ASB10: variants seen among roughly 807,000 people sequenced by gnomAD.
ASB10 encodes ankyrin repeat and SOCS box containing 10, also known as ankyrin repeat and SOCS box protein 10.
ASB10 carries 44 observed loss-of-function variants against 35.4 expected under a neutral mutation model. That is an observed-to-expected ratio of 1.24 (90% CI 0.98 to 1.60). The LOEUF (loss-of-function observed/expected upper bound fraction) is 1.60. Ranked by LOEUF, ASB10 falls within the 40% of genes most tolerant of loss-of-function variation. The pLI is 0.00. For synonymous variants in ASB10, 294 were observed against 280.4 expected, an observed-to-expected ratio of 1.05 and a Z score of -0.49; for missense variants, 647 against 634.3, an observed-to-expected ratio of 1.02 and a Z score of -0.22.
chr7:151,175,921 A>T lies in ASB10; in HGVS notation c.*46T>A, dbSNP rs778997476. 2.8e-6 allele frequency: 2 copies of T among 713,148 alleles called. No homozygotes were observed. Among genetic ancestry groups the T allele is most frequent in the East Asian group, 3.1e-5 (1 of 32,614 alleles). 44.2% of individuals were successfully genotyped at this position (713,148 alleles called of 1,614,324 possible). A position where few individuals can be genotyped will look rare whatever the true frequency, so the allele number is the denominator to read the frequency against. ...GTTAGTGCAGAGGCGCGCCCTCTGC[A>T]GGCTGGGGCATCTGCTTTCAGGCCC... On this transcript the variant is annotated 3_prime_UTR_variant, in exon 6 of 6. Transcript: ENST00000420175.
At chr7:151,176,700 G>A (rs1801396576) in intron 3 of ASB10, 24 bp from the exon 4 acceptor site, 1 of 1,501,958 alleles carries the variant, frequency 6.7e-7, no homozygotes. Context: ...AGGCATGTTG[G>A]GTCCTCAGTC....
At chr7:151,186,729 G>T in intron 1 of ASB10, 70 bp from the exon 2 acceptor site, 1 of 1,545,926 alleles carries the variant, frequency 6.5e-7, no homozygotes, top group Admixed American at 1.9e-5. Context: ...GGGGTGAGGT[G>T]GGCAGAGGCA....
At position 151,181,435 on chromosome 7, in the gene ASB10, A is replaced by G; in HGVS notation, c.608T>C (p.Phe203Ser). 6.2e-7 allele frequency: 1 copy of G among 1,602,172 alleles called. No homozygotes were observed. Among genetic ancestry groups the G allele is most frequent in the Non-Finnish European group, 8.5e-7 (1 of 1,172,336 alleles). ...GGACCGACCATCCACTCTCGCTCCA[A>G]ACCTGAGGAGCAGCTCCGCACACCT... ...TLECAELLLR[F>S]GARVDGRSEE... The change falls in exon 3 of 6, where the codon TTT (phenylalanine) becomes TCT (serine). Residue 203 changes from phenylalanine to serine, a missense_variant. By Grantham distance (155) the Phe-to-Ser change is radical. Transcript: ENST00000420175.
chr7:151,182,336 G>C (rs1801510963), intron 2 of ASB10, among the ~76,000 whole-genome samples: 2 of 152,168 alleles, frequency 1.3e-5, no homozygotes. Flanking sequence ...CCAGCACTTT[G>C]GGAGTCCAAG....
In ASB10 at chr7:151,186,584, A is replaced by G. The variant is rs201535252; in HGVS notation, c.392T>C (p.Val131Ala). Residue 131 changes from valine (V) to alanine (A), a missense_variant, in exon 2 of 6, where the codon GTC becomes GCC. Val to Ala is a moderately conservative substitution (Grantham distance 64). Transcript: ENST00000420175. ...HVAASRGHTE[V>A]LRLLLRRRAR... Reference sequence around the variant, plus strand: ...TCGCCGCCTCAGCAGCAGCCGCAGGACTTCCGTGTGGCCACGGCTGGCTGC... The same window carrying G: ...TCGCCGCCTCAGCAGCAGCCGCAGGGCTTCCGTGTGGCCACGGCTGGCTGC... The G allele has an allele frequency of 3.8e-4, 611 of 1,609,076 alleles. 5 individuals carry two copies. The Admixed American group carries it at 9.7e-3, about 26-fold the overall frequency.
In ASB10 at chr7:151,181,257, G is replaced by A. The variant is rs1801484802; in HGVS notation, c.786C>T (p.Ser262=). Residue 262 remains serine (S), a synonymous_variant, in exon 3 of 6, where the codon TCC becomes TCT. Transcript: ENST00000420175. ...CGGTGGTGGCCTCGGCATCGGTGAT[G>A]GACTGGCAGCGGACGTCACAGGCAG... ...LLAACDVRCQ[S]ITDAEATTAR... is the part of the protein sequence containing the mutation. 1 of 1,613,182 alleles carries A rather than the reference G, an allele frequency of 6.2e-7. No homozygotes were observed. Among genetic ancestry groups the A allele is most frequent in the Non-Finnish European group, 8.5e-7 (1 of 1,180,012 alleles).
chr7:151,175,993 G>C (rs534918152), intron 5 of ASB10, 27 bp from the exon 6 acceptor site: 1 of 1,249,054 alleles, frequency 8.0e-7, no homozygotes, highest in South Asian at 1.5e-5. Context: ...GGATTCAGAG[G>C]CTTCTGGTGG....
At chr7:151,180,515 C>T (rs1480252352) in intron 3 of ASB10, among the ~76,000 whole-genome samples, 2 of 152,140 alleles carry the variant, frequency 1.3e-5, no homozygotes, top group Non-Finnish European at 2.9e-5. Flanking sequence ...CTAGTGGGAG[C>T]TTCCTCAAGT....
chr7:151,186,774 C>T, intron 1 of ASB10, 41 bp downstream of exon 1: 1 of 1,539,742 alleles, frequency 6.5e-7, no homozygotes, highest in African/African-American at 1.4e-5. Context: ...CTGCAGCCTC[C>T]CCTCTCTCCC....
chr7:151,185,263 C>T (rs373954129), intron 2 of ASB10, among the ~76,000 whole-genome samples: 18 of 151,404 alleles, frequency 1.2e-4, no homozygotes, highest in Admixed American at 2.0e-4. Context: ...GGATTACAGG[C>T]GCCTGCCACC....
In ASB10 at chr7:151,176,310, C is replaced by A. The variant is rs1326118946; in HGVS notation, c.1219-13G>T. ...AACGCTGATGTTTCTGGGGGCAGAA[C>A]AAGGGGCTCAGTGAGAGGCAGCCTC... On this transcript the variant is annotated splice_polypyrimidine_tract_variant and intron_variant, in intron 4 of 5. Transcript: ENST00000420175. 2.0e-6 allele frequency: 3 copies of A among 1,532,622 alleles called. No homozygotes were observed. Among genetic ancestry groups the A allele is most frequent in the African/African-American group, 1.4e-5 (1 of 72,418 alleles). 94.9% of individuals were successfully genotyped at this position (1,532,622 alleles called of 1,614,324 possible).
chr7:151,182,001 CAT>C (rs1365626629), intron 2 of ASB10, among the ~76,000 whole-genome samples: 1 of 152,232 alleles, frequency 6.6e-6, no homozygotes, highest in Non-Finnish European at 1.5e-5. Flanking sequence ...GCAGTTATCA[CAT>C]GAGTGGTTAG....
chr7:151,179,977 G>A (rs1221469035), intron 3 of ASB10, among the ~76,000 whole-genome samples: 2 of 152,246 alleles, frequency 1.3e-5, no homozygotes, highest in South Asian at 4.1e-4. Flanking sequence ...ATTTGGTCTT[G>A]CTTAGGAATC....
At chr7:151,183,111 T>C (rs1378312274) in intron 2 of ASB10, among the ~76,000 whole-genome samples, 1 of 152,156 alleles carries the variant, frequency 6.6e-6, no homozygotes, top group African/African-American at 2.4e-5. Context: ...TAATCCTAAC[T>C]GAGATGCGGT....
Position 151,176,818 on chromosome 7 carries a change from A to T in ASB10, c.1105-142T>A, listed in dbSNP as rs1801398918. ...CCCCTGTACCTATGAATGGGACCTT[A>T]TTTGGAAATAGGGTCTTTGCAAATG... is the stretch of plus-strand genomic sequence containing the variant. On this transcript the variant is annotated intron_variant, in intron 3 of 5. Coordinates refer to ENST00000420175, the MANE Select transcript of ASB10 (RefSeq NM_001142459.2). The T allele has an allele frequency of 1.6e-5, 10 of 612,924 alleles. No homozygotes were observed. The South Asian group carries it at 2.0e-4, about 12-fold the overall frequency. 38.0% of individuals were successfully genotyped at this position (612,924 alleles called of 1,614,324 possible).
chr7:151,181,311 G>A lies in ASB10; in HGVS notation c.732C>T (p.Arg244=), dbSNP rs750797970. ...LLRRGACPDA[R]NAEGWTPLLA... Reference sequence around the variant, plus strand: ...GCAGTGGGGTCCAGCCTTCGGCATTGCGGGCATCAGGACATGCCCCCCGTC... The same window carrying A: ...GCAGTGGGGTCCAGCCTTCGGCATTACGGGCATCAGGACATGCCCCCCGTC... The change falls in exon 3 of 6, where the codon CGC becomes CGT. Residue 244 remains arginine (R), a synonymous_variant. Coordinates refer to ENST00000420175, the MANE Select transcript of ASB10 (RefSeq NM_001142459.2). 5.0e-6 allele frequency: 8 copies of A among 1,613,158 alleles called. No homozygotes were observed. In the Admixed American group the frequency reaches 5.0e-5, roughly 10 times the overall value.
rs753882710 is a variant in ASB10 at position 151,180,949 on chromosome 7, G to T, written c.1094C>A (p.Ala365Asp). 2 of 1,535,020 alleles carry T rather than the reference G, an allele frequency of 1.3e-6. No homozygotes were observed. Among genetic ancestry groups the T allele is most frequent in the East Asian group, 4.6e-5 (2 of 43,240 alleles). Reference sequence around the variant, plus strand: ...CTGCAGCCCCCATACCTTGGGGAGGGCCCCTGGCCAGACACGGACGGCGCC... The same window carrying T: ...CTGCAGCCCCCATACCTTGGGGAGGTCCCCTGGCCAGACACGGACGGCGCC... The part of the protein sequence containing the change: ...NHGAVRVWPG[A>D]LPKVLERWST... The change falls in exon 3 of 6, where the codon GCC becomes GAC. Residue 365 changes from alanine to aspartate, a missense_variant. Transcript: ENST00000420175.
intron 1 of ASB10, 36 bp from the exon 2 acceptor site, chr7:151,186,695 G>T: frequency 6.3e-7 from 1 of 1,575,300 alleles, no homozygotes; most frequent in South Asian, 1.2e-5. Flanking sequence ...GATCCCCAGG[G>T]AAGGCAGAGA....
intron 3 of ASB10, among the ~76,000 whole-genome samples, chr7:151,179,434 C>T (rs937628298): frequency 2.6e-5 from 4 of 152,192 alleles, no homozygotes; most frequent in African/African-American, 9.7e-5. Flanking sequence ...CCGACTGTTC[C>T]CCAGTGCTCT....
Sources: gnomAD v4.1 joint callset for allele counts (sites outside exome capture counted in the v4.1 genomes callset) on GRCh38, gnomAD v4.1.1 for gene constraint, MANE v1.5 for transcripts, NCBI Gene and HGNC (gene_info 2026-07-23, HGNC 2026-07-21) for gene names.